EXOC6B: variants seen among roughly 807,000 people sequenced by gnomAD.
EXOC6B encodes the protein SEC15 homolog B.
A neutral mutation model predicts 113.5 loss-of-function variants in EXOC6B; 54 were observed. The ratio of observed to expected loss-of-function variants is 0.48; its 90% confidence interval spans 0.38 to 0.60. EXOC6B has a LOEUF of 0.60. EXOC6B is among the 20% of genes least tolerant of loss of function. The probability of loss-of-function intolerance (pLI) is 0.00; values close to 1 mark genes in which losing one functional copy is unlikely to be tolerated. For missense variants in EXOC6B, 797 were observed against 977.5 expected, an observed-to-expected ratio of 0.82 and a Z score of 2.46; for synonymous variants, 357 against 339.0, an observed-to-expected ratio of 1.05 and a Z score of -0.58.
intron 20 of EXOC6B, among the ~76,000 whole-genome samples, chr2:72,261,463 C>T (rs1683712311): frequency 6.6e-6 from 1 of 152,194 alleles, no homozygotes; most frequent in Non-Finnish European, 1.5e-5. Flanking sequence ...AAATCACAGA[C>T]TTTTAGCTTT....
intron 18 of EXOC6B, among the ~76,000 whole-genome samples, chr2:72,411,191 GAC>G (rs1190623640): frequency 1.3e-5 from 2 of 152,110 alleles, no homozygotes; most frequent in Non-Finnish European, 2.9e-5. Context: ...CAGCCTGGGT[GAC>G]AGAGTGAGAC....
chr2:72,370,937 A>C (rs1487032194), intron 19 of EXOC6B, among the ~76,000 whole-genome samples: 1 of 152,088 alleles, frequency 6.6e-6, no homozygotes, highest in African/African-American at 2.4e-5. Flanking sequence ...AACATGGCAC[A>C]TGTATATATA....
chr2:72,572,031 T>C (rs1258653571), intron 7 of EXOC6B, among the ~76,000 whole-genome samples: 2 of 152,224 alleles, frequency 1.3e-5, no homozygotes, highest in Non-Finnish European at 2.9e-5. Flanking sequence ...ACTAGAATTA[T>C]AAAATTTTAT....
intron 20 of EXOC6B, among the ~76,000 whole-genome samples, chr2:72,228,954 T>C (rs1050405246): frequency 6.6e-6 from 1 of 152,158 alleles, no homozygotes; most frequent in East Asian, 1.9e-4. Flanking sequence ...TAATGATCGC[T>C]ATTCTAATTG....
intron 2 of EXOC6B, among the ~76,000 whole-genome samples, chr2:72,740,653 C>T (rs910764493): frequency 6.6e-6 from 1 of 152,162 alleles, no homozygotes; most frequent in Non-Finnish European, 1.5e-5. Context: ...AATTTTATAG[C>T]AATGCCTTGA....
Position 72,512,383 on chromosome 2 carries a change from G to GGAAA in EXOC6B, c.1167+748_1167+749insTTTC, listed in dbSNP as rs1558748624. On this transcript the variant is annotated intron_variant, in intron 11 of 21. Coordinates refer to ENST00000272427, the MANE Select transcript of EXOC6B (RefSeq NM_015189.3). ...AGGAAGGAAAGAAGGAAGGAAGGAAGGAAGGAAGGAAGGAAGGAAGGAAGG... is the reference window on the plus strand; with the variant it reads ...AGGAAGGAAAGAAGGAAGGAAGGAAGGAAAGAAGGAAGGAAGGAAGGAAGGAAGG... 9.0e-4 allele frequency among the ~76,000 whole-genome samples: 60 copies of GGAAA among 66,942 alleles called. 6 individuals are homozygous for GGAAA. The highest frequency in any genetic ancestry group is 2.8e-3 in the African/African-American group (51 of 18,288). 43.9% of individuals were successfully genotyped at this position (66,942 alleles called of 152,430 possible).
chr2:72,284,791 A>C (rs1685325859), intron 20 of EXOC6B, among the ~76,000 whole-genome samples: 1 of 152,064 alleles, frequency 6.6e-6, no homozygotes, highest in Non-Finnish European at 1.5e-5. Context: ...TGCAGGATAC[A>C]AGGTTAATAT....
intron 8 of EXOC6B, among the ~76,000 whole-genome samples, chr2:72,548,922 T>A (rs1453742737): frequency 6.6e-6 from 1 of 151,676 alleles, no homozygotes; most frequent in African/African-American, 2.4e-5. Context: ...AAAAAATAAA[T>A]AAGTGTGTGA....
At chr2:72,799,925 C>T (rs919200710) in intron 1 of EXOC6B, among the ~76,000 whole-genome samples, 15 of 152,106 alleles carry the variant, frequency 9.9e-5, no homozygotes, top group Non-Finnish European at 1.9e-4. Flanking sequence ...ATTAGCTGGA[C>T]ATGGTGGCAT....
intron 20 of EXOC6B, among the ~76,000 whole-genome samples, chr2:72,262,346 T>G (rs1683782098): frequency 6.6e-6 from 1 of 151,954 alleles, no homozygotes; most frequent in Non-Finnish European, 1.5e-5. Context: ...GGTCTTTGTT[T>G]AAGAGGCCCA....
intron 16 of EXOC6B, among the ~76,000 whole-genome samples, chr2:72,480,967 G>C (rs1016434790): frequency 1.3e-5 from 2 of 152,150 alleles, no homozygotes; most frequent in Non-Finnish European, 2.9e-5. Context: ...ATCTCATCTT[G>C]AATTGTAATC....
intron 18 of EXOC6B, among the ~76,000 whole-genome samples, chr2:72,427,332 C>A (rs1309652079): frequency 6.6e-6 from 1 of 152,202 alleles, no homozygotes; most frequent in Non-Finnish European, 1.5e-5. Context: ...GAGCCCCACC[C>A]TCCCAAGCGC....
At chr2:72,595,957 A>T (rs558394989) in intron 6 of EXOC6B, among the ~76,000 whole-genome samples, 7 of 152,312 alleles carry the variant, frequency 4.6e-5, no homozygotes, top group African/African-American at 1.7e-4. Context: ...CTTGAAGTCT[A>T]AAAATCTTAT....
At chr2:72,818,149 G>C (rs1430554235) in intron 1 of EXOC6B, among the ~76,000 whole-genome samples, 1 of 151,048 alleles carries the variant, frequency 6.6e-6, no homozygotes, top group Non-Finnish European at 1.5e-5. Flanking sequence ...TTTTTGTTTT[G>C]TTTTCTTTTC....
chr2:72,604,071 T>C (rs1428847600), intron 6 of EXOC6B, among the ~76,000 whole-genome samples: 2 of 152,314 alleles, frequency 1.3e-5, no homozygotes, highest in African/African-American at 4.8e-5. Flanking sequence ...AAAAAAATCA[T>C]CTTAGATTTA....
intron 6 of EXOC6B, among the ~76,000 whole-genome samples, chr2:72,584,964 A>T (rs1480623079): frequency 6.6e-6 from 1 of 152,178 alleles, no homozygotes; most frequent in Non-Finnish European, 1.5e-5. Flanking sequence ...AAATAAATGA[A>T]AACAGAGACA....
At chr2:72,808,505 TC>T (rs1286013620) in intron 1 of EXOC6B, among the ~76,000 whole-genome samples, 1 of 152,026 alleles carries the variant, frequency 6.6e-6, no homozygotes, top group Non-Finnish European at 1.5e-5. Context: ...ATATATGTAA[TC>T]CCAAAACTTT....
chr2:72,355,950 T>C (rs1030088999), intron 19 of EXOC6B, among the ~76,000 whole-genome samples: 1 of 152,198 alleles, frequency 6.6e-6, no homozygotes, highest in Non-Finnish European at 1.5e-5. Flanking sequence ...ATTCTTAAGA[T>C]TGCTCTCTTT....
Position 72,480,693 on chromosome 2 carries a change from C to T in EXOC6B, c.1723G>A (p.Glu575Lys), listed in dbSNP as rs1183411958. The change falls in exon 17 of 22, where the codon GAA becomes AAA. Residue 575 changes from glutamate (E) to lysine (K), a missense_variant. Glu to Lys is a moderately conservative substitution (Grantham distance 56). Transcript: ENST00000272427. ...ACATTAGTGATGTTGGTGATAAATT[C>T]TTCCAAGTACTTACAGGATTTCTCC... Reference protein sequence around the residue: ...HLEKSCKYLEEFITNITNVLP... With the variant: ...HLEKSCKYLEKFITNITNVLP... 1 of 1,594,432 alleles carries T rather than the reference C, an allele frequency of 6.3e-7. No homozygotes were observed. Among genetic ancestry groups the T allele is most frequent in the Non-Finnish European group, 8.6e-7 (1 of 1,169,292 alleles).
Sources: allele counts gnomAD v4.1 joint callset (sites outside exome capture counted in the v4.1 genomes callset), GRCh38; gene constraint gnomAD v4.1.1; transcripts MANE v1.5; gene names NCBI Gene and HGNC (gene_info 2026-07-23, HGNC 2026-07-21).